GATAD2B: variants seen among roughly 807,000 people sequenced by gnomAD.
GATAD2B encodes GATA zinc finger domain containing 2B.
GATAD2B carries 8 observed loss-of-function variants against 64.3 expected under a neutral mutation model. That is an observed-to-expected ratio of 0.12 (90% CI 0.07 to 0.22). GATAD2B has a LOEUF of 0.22. Among genes scored for constraint, GATAD2B ranks in the 10% least tolerant of loss-of-function variants. The pLI is 1.00. For synonymous variants in GATAD2B, 281 were observed against 271.3 expected (o/e 1.04, Z -0.35); for missense variants, 453 against 752.0 (o/e 0.60, Z 4.65).
In GATAD2B at chr1:153,848,981, C is replaced by CT. The variant is rs199844348; in HGVS notation, c.-1-20634_-1-20633insA. Among the ~76,000 whole-genome samples the CT allele has an allele frequency of 3.3e-5, 5 of 151,724 alleles. No individual in the cohort carries two copies. The South Asian group carries it at 6.3e-4, about 19-fold the overall frequency. ...AAGCAAAAAACAAACAAACCCCCCC[C>CT]CTCCCCCAGACTGGGTAATTTATAT... On this transcript the variant is annotated intron_variant, in intron 1 of 10. Coordinates refer to ENST00000368655, the MANE Select transcript of GATAD2B (RefSeq NM_020699.4).
intron 6 of GATAD2B, 107 bp downstream of exon 6, chr1:153,817,265 C>T: frequency 9.4e-7 from 1 of 1,065,068 alleles, no homozygotes; most frequent in Non-Finnish European, 1.3e-6. Flanking sequence ...CCATTTTTGT[C>T]CTAGAGTTTA....
rs1674948551 is a variant in GATAD2B at position 153,828,166 on chromosome 1, T to C, written c.182A>G (p.His61Arg). ...GCCATCCTGTTTGGTGGGTAACTCA[T>C]GTGGCACCTCAAGATTTGCCAAATC... ...RKDLANLEVP[H>R]ELPTKQDGSG... The change falls in exon 2 of 11, where the codon CAT (histidine) becomes CGT (arginine). Residue 61 changes from histidine to arginine, a missense_variant. Transcript: ENST00000368655. 1.9e-6 allele frequency: 3 copies of C among 1,614,102 alleles called. No individual in the cohort carries two copies. Among genetic ancestry groups the C allele is most frequent in the African/African-American group, 1.3e-5 (1 of 74,940 alleles).
intron 1 of GATAD2B, among the ~76,000 whole-genome samples, chr1:153,858,368 T>C (rs1676160309): frequency 6.6e-6 from 1 of 151,986 alleles, no homozygotes; most frequent in East Asian, 1.9e-4. Flanking sequence ...CTGGGCAACA[T>C]GGCAAAACCC....
intron 1 of GATAD2B, among the ~76,000 whole-genome samples, chr1:153,874,031 G>C (rs1407041530): frequency 6.6e-6 from 1 of 152,114 alleles, no homozygotes; most frequent in Non-Finnish European, 1.5e-5. Flanking sequence ...AGGCCGAGGA[G>C]GGTGGATCAT....
Position 153,810,156 on chromosome 1 carries a change from G to A in GATAD2B, c.*21C>T, listed in dbSNP as rs754841298. 6.2e-7 allele frequency: 1 copy of A among 1,600,652 alleles called. No homozygotes were observed. Among genetic ancestry groups the A allele is most frequent in the Admixed American group, 1.7e-5 (1 of 57,900 alleles). On this transcript the variant is annotated 3_prime_UTR_variant, in exon 11 of 11. Coordinates refer to ENST00000368655, the MANE Select transcript of GATAD2B (RefSeq NM_020699.4). ...AAGGGATAAAGGATTCAAGGATGGG[G>A]CAGTACAAGTGGAACAGGCGTTATT...
At chr1:153,814,839 G>A (rs1674397931) in intron 7 of GATAD2B, among the ~76,000 whole-genome samples, 1 of 151,810 alleles carries the variant, frequency 6.6e-6, no homozygotes, top group African/African-American at 2.4e-5. Context: ...GGCCAGGTGT[G>A]GTGGCAGGCA....
chr1:153,890,358 C>T (rs934067424), intron 1 of GATAD2B, among the ~76,000 whole-genome samples: 3 of 150,552 alleles, frequency 2.0e-5, no homozygotes, highest in African/African-American at 2.4e-5. Context: ...CGTGGTGGCA[C>T]GCACCTGTAG....
At chr1:153,910,058 T>G (rs528091089) in intron 1 of GATAD2B, among the ~76,000 whole-genome samples, 2 of 152,056 alleles carry the variant, frequency 1.3e-5, no homozygotes, top group South Asian at 4.1e-4. Context: ...GAGGTTGCAG[T>G]GAGCCAAGAA....
chr1:153,883,533 A>G (rs533692744), intron 1 of GATAD2B, among the ~76,000 whole-genome samples: 2 of 152,336 alleles, frequency 1.3e-5, no homozygotes, highest in African/African-American at 4.8e-5. Flanking sequence ...CAAGCAAAAT[A>G]GATTATTTCT....
At chr1:153,905,979 A>T (rs1247541260) in intron 1 of GATAD2B, among the ~76,000 whole-genome samples, 1 of 150,828 alleles carries the variant, frequency 6.6e-6, no homozygotes, top group East Asian at 2.0e-4. Flanking sequence ...AGACAGGAGA[A>T]TCGCTTGAAA....
chr1:153,904,772 T>A (rs1368288049), intron 1 of GATAD2B, among the ~76,000 whole-genome samples: 1 of 151,936 alleles, frequency 6.6e-6, no homozygotes, highest in Non-Finnish European at 1.5e-5. Context: ...CAGTGGCACA[T>A]CTCGGCTCAC....
intron 1 of GATAD2B, among the ~76,000 whole-genome samples, chr1:153,898,024 C>G (rs1021719022): frequency 1.3e-5 from 2 of 149,736 alleles, no homozygotes; most frequent in Admixed American, 6.6e-5. Flanking sequence ...AAAACCCAGG[C>G]CAGGCACGGT....
At chr1:153,870,728 T>A (rs1472558964) in intron 1 of GATAD2B, among the ~76,000 whole-genome samples, 1 of 152,172 alleles carries the variant, frequency 6.6e-6, no homozygotes, top group African/African-American at 2.4e-5. Flanking sequence ...ACAAATCAAT[T>A]TTGTGTTTAG....
chr1:153,889,763 T>C (rs1218175539), intron 1 of GATAD2B: 2 of 224,358 alleles, frequency 8.9e-6, no homozygotes, highest in African/African-American at 2.3e-5. Context: ...TTTTTGAAGC[T>C]TGTGGTGGGC....
At chr1:153,873,903 T>C (rs538099011) in intron 1 of GATAD2B, among the ~76,000 whole-genome samples, 2 of 151,264 alleles carry the variant, frequency 1.3e-5, no homozygotes, top group South Asian at 4.2e-4. Context: ...AAGCTATGAC[T>C]GCACAACTGC....
intron 5 of GATAD2B, among the ~76,000 whole-genome samples, 188 bp downstream of exon 5, chr1:153,817,852 T>C (rs1378827629): frequency 6.6e-6 from 1 of 152,110 alleles, no homozygotes; most frequent in African/African-American, 2.4e-5. Context: ...AAAACTACAG[T>C]GGAAACATGA....
chr1:153,897,121 T>A (rs1018274100), intron 1 of GATAD2B, among the ~76,000 whole-genome samples: 5 of 149,796 alleles, frequency 3.3e-5, no homozygotes, highest in Non-Finnish European at 5.9e-5. Flanking sequence ...CTCCACCCCC[T>A]GGGGTTCACG....
chr1:153,844,607 T>C (rs960379903), intron 1 of GATAD2B, among the ~76,000 whole-genome samples: 7 of 151,788 alleles, frequency 4.6e-5, no homozygotes, highest in Non-Finnish European at 1.0e-4. Flanking sequence ...TTCATATCCT[T>C]TGTAGGGACA....
At chr1:153,859,077 T>C (rs1041616720) in intron 1 of GATAD2B, among the ~76,000 whole-genome samples, 3 of 151,632 alleles carry the variant, frequency 2.0e-5, no homozygotes, top group African/African-American at 4.8e-5. Context: ...AGACGGAGGG[T>C]GGTACTTTAA....
Sources: allele counts gnomAD v4.1 joint callset (sites outside exome capture counted in the v4.1 genomes callset), GRCh38; gene constraint gnomAD v4.1.1; transcripts MANE v1.5; gene names NCBI Gene and HGNC (gene_info 2026-07-23, HGNC 2026-07-21).